The following NFATC2 variants were observed in gnomAD, a reference collection of about 807,000 sequenced individuals.
NFATC2 encodes the protein nuclear factor of activated T cells 2, also known as nuclear factor of activated T-cells, cytoplasmic 2.
Under a neutral mutation model 87.3 loss-of-function variants are expected in NFATC2, and 22 were observed. The observed-to-expected ratio is 0.25, with a 90% CI of 0.18 to 0.36. NFATC2 has a LOEUF of 0.36. NFATC2 is among the 10% of genes least tolerant of loss of function. The pLI is 1.00. For missense variants in NFATC2, 1,149 were observed against 1,259.1 expected, an observed-to-expected ratio of 0.91 and a Z score of 1.32; for synonymous variants, 565 against 542.2, an observed-to-expected ratio of 1.04 and a Z score of -0.58.
intron 9 of NFATC2, among the ~76,000 whole-genome samples, chr20:51,423,818 T>C (rs1981338675): frequency 6.6e-6 from 1 of 152,214 alleles, no homozygotes; most frequent in Non-Finnish European, 1.5e-5. Flanking sequence ...GGACAGCAAG[T>C]CTGGGAAGGG....
intron 2 of NFATC2, among the ~76,000 whole-genome samples, chr20:51,518,486 G>A (rs1398628443): frequency 1.3e-5 from 2 of 152,144 alleles, no homozygotes; most frequent in South Asian, 2.1e-4. Flanking sequence ...TCCTCCCTGT[G>A]CAAGCAAATC....
intron 3 of NFATC2, among the ~76,000 whole-genome samples, chr20:51,495,189 A>G (rs2075967777): frequency 6.6e-6 from 1 of 152,104 alleles, no homozygotes; most frequent in African/African-American, 2.4e-5. Flanking sequence ...TTCTCAAGCA[A>G]TTCTCCCCCC....
chr20:51,561,484 A>AAAGAAAGC lies in NFATC2; in HGVS notation c.70+1075_70+1076insGCTTTCTT, dbSNP rs2077029945. ...GAAAGAAAGAAAGAAAGAAAGAAAGAAAGCAAGCAAGCAAGCAAGCAAGCA... is the reference window on the plus strand; with the variant it reads ...GAAAGAAAGAAAGAAAGAAAGAAAGAAAGAAAGCAAGCAAGCAAGCAAGCAAGCAAGCA... On this transcript the variant is annotated intron_variant, in intron 1 of 10. Transcript: ENST00000414705. 6.0e-3 allele frequency among the ~76,000 whole-genome samples: 537 copies of AAAGAAAGC among 89,928 alleles called. 5 individuals carry two copies. Among genetic ancestry groups the AAAGAAAGC allele is most frequent in the East Asian group, 8.3e-3 (25 of 3,016 alleles). The allele number at this position is 89,928 out of a possible 152,430, so 59.0% of individuals were successfully genotyped here.
At chr20:51,477,896 G>GA (rs1242752124) in intron 3 of NFATC2, among the ~76,000 whole-genome samples, 1 of 152,090 alleles carries the variant, frequency 6.6e-6, no homozygotes, top group Non-Finnish European at 1.5e-5. Flanking sequence ...AAGTAAAATT[G>GA]AAAATTCAGT....
Position 51,390,353 on chromosome 20 carries a change from C to G in NFATC2, c.*1143G>C, listed in dbSNP as rs925238108. The G allele has an allele frequency of 9.9e-5, 15 of 152,222 alleles. No individual in the cohort carries two copies. The highest frequency in any genetic ancestry group is 3.6e-4 in the African/African-American group (15 of 41,466). The allele number at this position is 152,222 out of a possible 1,614,324, so 9.4% of individuals were successfully genotyped here. A position where few individuals can be genotyped will look rare whatever the true frequency, so the allele number is the denominator to read the frequency against. ...CCTTTTCCTCTATCTTGGTAGAAACCCACCTCCAGAAGCACTTGGGCTGTT... is the reference window on the plus strand; with the variant it reads ...CCTTTTCCTCTATCTTGGTAGAAACGCACCTCCAGAAGCACTTGGGCTGTT... On this transcript the variant is annotated 3_prime_UTR_variant, in exon 11 of 11. Coordinates refer to ENST00000371564, the MANE Select transcript of NFATC2 (RefSeq NM_012340.5).
chr20:51,537,766 C>T (rs1333821549), intron 1 of NFATC2, among the ~76,000 whole-genome samples: 1 of 152,204 alleles, frequency 6.6e-6, no homozygotes, highest in Non-Finnish European at 1.5e-5. Context: ...ATCAGTGGCC[C>T]CATCAGGACT....
intron 5 of NFATC2, among the ~76,000 whole-genome samples, chr20:51,464,691 C>A (rs982486237): frequency 6.6e-6 from 1 of 152,054 alleles, no homozygotes; most frequent in Non-Finnish European, 1.5e-5. Context: ...GTGGGGTGGG[C>A]AGGTGCCCAC....
At chr20:51,418,665 T>G (rs1331719182) in intron 9 of NFATC2, among the ~76,000 whole-genome samples, 2 of 146,522 alleles carry the variant, frequency 1.4e-5, no homozygotes, top group Non-Finnish European at 3.0e-5. Context: ...TTTGGTTTTT[T>G]TTTTTTTTTT....
At chr20:51,396,054 A>G (rs1320910138) in intron 10 of NFATC2, among the ~76,000 whole-genome samples, 1 of 11,360 alleles carries the variant, frequency 8.8e-5, no homozygotes, top group South Asian at 2.3e-3. Context: ...ATATATATAT[A>G]TATATATATA....
intron 3 of NFATC2, among the ~76,000 whole-genome samples, chr20:51,481,825 C>T (rs933413128): frequency 1.3e-5 from 2 of 152,182 alleles, no homozygotes; most frequent in African/African-American, 4.8e-5. Flanking sequence ...ATATAAATGA[C>T]GCCATCCAAC....
At chr20:51,533,424 GTGTATTAA>G (rs1235358557) in intron 1 of NFATC2, among the ~76,000 whole-genome samples, 10 of 152,246 alleles carry the variant, frequency 6.6e-5, no homozygotes, top group Non-Finnish European at 2.9e-5. Flanking sequence ...AATGAATCAT[GTGTATTAA>G]TGACCAGAGT....
intron 1 of NFATC2, among the ~76,000 whole-genome samples, chr20:51,539,073 G>A (rs940701507): frequency 2.0e-5 from 3 of 152,144 alleles, no homozygotes; most frequent in Non-Finnish European, 4.4e-5. Context: ...TAAAACAGGG[G>A]TGATAATAGT....
chr20:51,557,160 C>T (rs114264494), intron 1 of NFATC2, among the ~76,000 whole-genome samples: 108 of 152,306 alleles, frequency 7.1e-4, no homozygotes, highest in African/African-American at 2.5e-3. Context: ...GAGGGTCCTA[C>T]TCTATACCAA....
intron 3 of NFATC2, among the ~76,000 whole-genome samples, chr20:51,491,877 T>TACACACACACACAC (rs33936990): frequency 1.7e-5 from 1 of 57,402 alleles, no homozygotes; most frequent in Non-Finnish European, 2.9e-5. Context: ...CACATACACA[T>TACACACACACACAC]ACACACACAC....
At chr20:51,488,531 C>A (rs1360409357) in intron 3 of NFATC2, among the ~76,000 whole-genome samples, 1 of 152,124 alleles carries the variant, frequency 6.6e-6, no homozygotes, top group Non-Finnish European at 1.5e-5. Flanking sequence ...GCTAAATGTC[C>A]CCTGGGACAC....
At chr20:51,494,137 C>T (rs2075948099) in intron 3 of NFATC2, among the ~76,000 whole-genome samples, 1 of 151,930 alleles carries the variant, frequency 6.6e-6, no homozygotes, top group African/African-American at 2.4e-5. Flanking sequence ...GTCACCGTTA[C>T]TTTGCTTGGT....
intron 1 of NFATC2, among the ~76,000 whole-genome samples, chr20:51,557,145 A>G (rs2076985430): frequency 1.3e-5 from 2 of 152,162 alleles, no homozygotes; most frequent in Admixed American, 1.3e-4. Context: ...CGTGTTCTCT[A>G]AAAGGAGGGT....
chr20:51,524,260 A>T lies in NFATC2; in HGVS notation c.131-150T>A. 1 of 704,394 alleles carries T rather than the reference A, an allele frequency of 1.4e-6. No homozygotes were observed. The highest frequency in any genetic ancestry group is 2.0e-6 in the Non-Finnish European group (1 of 491,428). The allele number at this position is 704,394 out of a possible 1,614,324, so 43.6% of individuals were successfully genotyped here. ...CCCCAAGCTAGAAGCTCCGTCCCTC[A>T]CCAGAAGAAAACTGAGGCCACTTTG... On this transcript the variant is annotated intron_variant, in intron 1 of 10. Transcript: ENST00000371564. The surrounding 1 kb of genome is among the most constrained non-coding windows in gnomAD (Gnocchi z 4.0).
chr20:51,539,947 C>T (rs1180501167), intron 1 of NFATC2, among the ~76,000 whole-genome samples: 1 of 152,180 alleles, frequency 6.6e-6, no homozygotes, highest in Non-Finnish European at 1.5e-5. Context: ...TTTGAAGAAA[C>T]TGAGAAAAGC....
Sources: allele counts gnomAD v4.1 joint callset (sites outside exome capture counted in the v4.1 genomes callset), GRCh38; gene constraint gnomAD v4.1.1; non-coding constraint Gnocchi (gnomAD v3.1); transcripts MANE v1.5; gene names NCBI Gene and HGNC (gene_info 2026-07-23, HGNC 2026-07-21).